Variants in BCAP29 observed in about 807,000 individuals in gnomAD.
BCAP29 encodes the protein B cell receptor associated protein 29.
In BCAP29, 34 loss-of-function variants were observed where a neutral mutation model predicts 31.8. That is an observed-to-expected ratio of 1.07 (90% CI 0.81 to 1.42). BCAP29 has a LOEUF of 1.42. Ranked by LOEUF, BCAP29 falls within the 40% of genes most tolerant of loss-of-function variation. The pLI is 0.00. For synonymous variants in BCAP29, 104 were observed against 91.3 expected, an observed-to-expected ratio of 1.14 and a Z score of -0.79; for missense variants, 314 against 269.2, an observed-to-expected ratio of 1.17 and a Z score of -1.16.
At chr7:107,595,710 T>C (rs1809683461) in intron 4 of BCAP29, 157 bp from the exon 5 acceptor site, 3 of 690,412 alleles carry the variant, frequency 4.3e-6, no homozygotes, top group Non-Finnish European at 6.6e-6. Flanking sequence ...CTGTTTTTAC[T>C]AAGAGACTTG....
intron 7 of BCAP29, among the ~76,000 whole-genome samples, chr7:107,616,727 A>T (rs961177839): frequency 2.6e-5 from 4 of 151,920 alleles, no homozygotes; most frequent in Non-Finnish European, 4.4e-5. Flanking sequence ...TATCATTAAG[A>T]GCCCCATTTT....
intron 6 of BCAP29, among the ~76,000 whole-genome samples, chr7:107,600,876 C>G (rs987137744): frequency 1.3e-5 from 2 of 152,166 alleles, no homozygotes; most frequent in African/African-American, 4.8e-5. Context: ...AGTTTTCTTA[C>G]AAGAAAATAT....
intron 4 of BCAP29, among the ~76,000 whole-genome samples, chr7:107,595,532 T>G (rs558826429): frequency 1.4e-4 from 22 of 152,300 alleles, no homozygotes; most frequent in Non-Finnish European, 3.1e-4. Context: ...GAATTTGAAC[T>G]GGGCCAAAAA....
chr7:107,604,860 G>T (rs1195564410), intron 6 of BCAP29, among the ~76,000 whole-genome samples: 4 of 151,264 alleles, frequency 2.6e-5, no homozygotes, highest in African/African-American at 9.7e-5. Flanking sequence ...TTATTTGATG[G>T]TTGTGCCAGT....
intron 7 of BCAP29, among the ~76,000 whole-genome samples, chr7:107,617,799 A>G (rs1222769770): frequency 6.6e-6 from 1 of 152,196 alleles, no homozygotes. Flanking sequence ...ATTTTATGAG[A>G]TATTTTTCAT....
chr7:107,600,671 C>T (rs1244548276), intron 6 of BCAP29, among the ~76,000 whole-genome samples, 166 bp downstream of exon 6: 1 of 152,126 alleles, frequency 6.6e-6, no homozygotes, highest in African/African-American at 2.4e-5. Flanking sequence ...AACATTATGT[C>T]AGCCAAGAGA....
At chr7:107,595,484 C>T (rs549774672) in intron 4 of BCAP29, among the ~76,000 whole-genome samples, 1 of 152,278 alleles carries the variant, frequency 6.6e-6, no homozygotes, top group African/African-American at 2.4e-5. Context: ...AGCTGTTCTT[C>T]GGCTTGTTTG....
In BCAP29 at chr7:107,610,610, T is replaced by A. The variant is rs559622987; in HGVS notation, c.590-2722T>A. ...TTGGAGTGATAGTATTCATTAGATT[T>A]ATTAATATCCACTGAAATACAAAAT... On this transcript the variant is annotated intron_variant, in intron 6 of 7. Coordinates refer to ENST00000005259, the MANE Select transcript of BCAP29 (RefSeq NM_018844.4). Among the ~76,000 whole-genome samples the A allele has an allele frequency of 5.9e-4, 90 of 152,180 alleles. 1 individual carries two copies. The highest frequency in any genetic ancestry group is 1.1e-3 in the Non-Finnish European group (77 of 68,022).
intron 6 of BCAP29, among the ~76,000 whole-genome samples, chr7:107,604,079 G>A (rs1811652780): frequency 6.6e-6 from 1 of 151,844 alleles, no homozygotes; most frequent in Non-Finnish European, 1.5e-5. Flanking sequence ...ACCTATTATG[G>A]GTACCTAAGT....
chr7:107,618,661 C>G lies in BCAP29; in HGVS notation c.*298C>G. The G allele has an allele frequency of 7.5e-7, 1 of 1,335,986 alleles. No homozygotes were observed. The highest frequency in any genetic ancestry group is 1.0e-6 in the Non-Finnish European group (1 of 988,156). 82.8% of individuals were successfully genotyped at this position (1,335,986 alleles called of 1,614,324 possible). On this transcript the variant is annotated 3_prime_UTR_variant, in exon 8 of 8. Coordinates refer to ENST00000005259, the MANE Select transcript of BCAP29 (RefSeq NM_018844.4). ...CAATAAAAGGAAAAAATTCATTAACCGGTTGCTTCCAAAATTAGAAGTTTT... is the reference window on the plus strand; with the variant it reads ...CAATAAAAGGAAAAAATTCATTAACGGGTTGCTTCCAAAATTAGAAGTTTT...
chr7:107,601,025 A>G (rs1310333887), intron 6 of BCAP29, among the ~76,000 whole-genome samples: 1 of 152,150 alleles, frequency 6.6e-6, no homozygotes, highest in Non-Finnish European at 1.5e-5. Context: ...CCCACATAAC[A>G]TTGCAGTGTA....
Position 107,613,322 on chromosome 7 carries a change from T to C in BCAP29, c.590-10T>C. The C allele has an allele frequency of 1.9e-6, 3 of 1,572,644 alleles. No individual in the cohort carries two copies. The highest frequency in any genetic ancestry group is 2.6e-6 in the Non-Finnish European group (3 of 1,151,960). The stretch of plus-strand genomic sequence containing the variant: ...CTGAAATAAAAATAAAACTATTCGA[T>C]ATTTTCTAGCCCTTTCTAAGGCACA... On this transcript the variant is annotated splice_polypyrimidine_tract_variant and intron_variant, in intron 6 of 7. Coordinates refer to ENST00000005259, the MANE Select transcript of BCAP29 (RefSeq NM_018844.4).
At chr7:107,595,467 G>A (rs1809642486) in intron 4 of BCAP29, among the ~76,000 whole-genome samples, 1 of 152,192 alleles carries the variant, frequency 6.6e-6, no homozygotes, top group Admixed American at 6.5e-5. Context: ...ATAAACGGAT[G>A]TGAATGAGCT....
At position 107,604,747 on chromosome 7, in the gene BCAP29, ATAT is replaced by A. The variant is rs1298573928; in HGVS notation, c.589+4247_589+4249del. Among the ~76,000 whole-genome samples the A allele has an allele frequency of 3.1e-3, 472 of 150,974 alleles. 4 individuals carry two copies. The highest frequency in any genetic ancestry group is 0.011 in the African/African-American group (453 of 41,320). Reference sequence around the variant, plus strand: ...TTTGTGATTTAAATAAGAAAAAAACATATTATTTGTTTTCATGTCTGGAAGTTT... The same window carrying A: ...TTTGTGATTTAAATAAGAAAAAAACATATTTGTTTTCATGTCTGGAAGTTT... On this transcript the variant is annotated intron_variant, in intron 6 of 7. Coordinates refer to ENST00000005259, the MANE Select transcript of BCAP29 (RefSeq NM_018844.4).
chr7:107,589,489 C>G (rs890684491), intron 3 of BCAP29, among the ~76,000 whole-genome samples: 3 of 152,168 alleles, frequency 2.0e-5, no homozygotes, highest in African/African-American at 7.2e-5. Context: ...GGCTTCCACT[C>G]CTATGAGAAT....
intron 2 of BCAP29, among the ~76,000 whole-genome samples, chr7:107,581,083 C>T (rs1806571384): frequency 6.6e-6 from 1 of 152,152 alleles, no homozygotes; most frequent in Non-Finnish European, 1.5e-5. Flanking sequence ...AAAGAAAAGG[C>T]GCCTATACTT....
downstream of BCAP29, chr7:107,623,206 C>T (rs1279804170): frequency 6.6e-6 from 1 of 152,184 alleles, no homozygotes; most frequent in African/African-American, 2.4e-5. Flanking sequence ...ATTGTCTCAA[C>T]ATCCTAGACA....
chr7:107,581,014 A>C (rs1463557701), intron 2 of BCAP29, 150 bp downstream of exon 2: 1 of 514,956 alleles, frequency 1.9e-6, no homozygotes, highest in African/African-American at 2.0e-5. Flanking sequence ...ATATTAAAAT[A>C]ACATTTTATA....
intron 5 of BCAP29, among the ~76,000 whole-genome samples, chr7:107,598,761 G>A (rs1481036813): frequency 2.6e-5 from 4 of 151,384 alleles, no homozygotes; most frequent in Admixed American, 2.0e-4. Flanking sequence ...CCTGACTATA[G>A]AACCTGTCAG....
Sources: gnomAD v4.1 joint callset for allele counts (sites outside exome capture counted in the v4.1 genomes callset) on GRCh38, gnomAD v4.1.1 for gene constraint, MANE v1.5 for transcripts, NCBI Gene and HGNC (gene_info 2026-07-23, HGNC 2026-07-21) for gene names.